Variants in NELL1 observed in about 807,000 individuals in gnomAD.
NELL1 encodes the protein protein kinase C-binding protein NELL1.
A neutral mutation model predicts 107.4 loss-of-function variants in NELL1; 76 were observed. The ratio of observed to expected loss-of-function variants is 0.71; its 90% confidence interval spans 0.59 to 0.86. The LOEUF (loss-of-function observed/expected upper bound fraction) is 0.86. NELL1 is among the 40% of genes least tolerant of loss of function. The pLI, the probability that NELL1 is intolerant of heterozygous loss-of-function variation, is 0.00. For synonymous variants in NELL1, 353 were observed against 341.2 expected, an observed-to-expected ratio of 1.03 and a Z score of -0.38; for missense variants, 1,024 against 1,005.5, an observed-to-expected ratio of 1.02 and a Z score of -0.25.
At chr11:21,059,437 A>AC (rs903518767) in intron 12 of NELL1, among the ~76,000 whole-genome samples, 1 of 151,706 alleles carries the variant, frequency 6.6e-6, no homozygotes, top group African/African-American at 2.4e-5. Context: ...TGTAGCCTTC[A>AC]CCCTTACTCC....
chr11:21,287,328 T>C (rs1228405077), intron 14 of NELL1, among the ~76,000 whole-genome samples: 2 of 152,214 alleles, frequency 1.3e-5, no homozygotes, highest in Non-Finnish European at 2.9e-5. Context: ...ACTGATGTCT[T>C]GCCTGTAGTT....
chr11:21,521,169 G>T (rs1291802868), intron 15 of NELL1, among the ~76,000 whole-genome samples: 4 of 152,148 alleles, frequency 2.6e-5, no homozygotes, highest in African/African-American at 9.7e-5. Flanking sequence ...GCTTTAACTG[G>T]TTCCCACAGA....
chr11:21,244,880 C>T (rs367905112), intron 14 of NELL1, among the ~76,000 whole-genome samples: 2 of 152,154 alleles, frequency 1.3e-5, no homozygotes, highest in Non-Finnish European at 2.9e-5. Context: ...GGGCTAGTCA[C>T]TTAACTTCTC....
chr11:20,724,968 C>A (rs1254834001), intron 2 of NELL1, among the ~76,000 whole-genome samples: 1 of 152,170 alleles, frequency 6.6e-6, no homozygotes, highest in Non-Finnish European at 1.5e-5. Context: ...AAGCAAGGCA[C>A]GTCTTACATG....
intron 1 of NELL1, chr11:20,670,634 T>A (rs1853878761): frequency 6.6e-6 from 1 of 152,242 alleles, no homozygotes; most frequent in African/African-American, 2.4e-5. Flanking sequence ...GGAGACTGGC[T>A]TGCAGCCGCC....
intron 15 of NELL1, among the ~76,000 whole-genome samples, chr11:21,385,013 T>G (rs1564869421): frequency 6.6e-6 from 1 of 151,964 alleles, no homozygotes. Flanking sequence ...GGAATGTTCT[T>G]CCCTCAGATA....
At chr11:20,851,698 C>T (rs997622251) in intron 4 of NELL1, among the ~76,000 whole-genome samples, 1 of 152,130 alleles carries the variant, frequency 6.6e-6, no homozygotes. Context: ...TCATTCAGCC[C>T]ATCAAATTTA....
In NELL1 at chr11:20,847,629, C is replaced by T. The variant is rs1481763405; in HGVS notation, c.382C>T (p.His128Tyr). 1.2e-6 allele frequency: 2 copies of T among 1,613,688 alleles called. No individual in the cohort carries two copies. Among genetic ancestry groups the T allele is most frequent in the South Asian group, 2.2e-5 (2 of 91,074 alleles). ...SSGLRDEIRY[H>Y]YIHNGKPRTE... ...TGGCCTGAGGGATGAGATTCGGTAT[C>T]ACTACATACACAATGGGAAGCCAAG... Residue 128 changes from histidine (H) to tyrosine (Y), a missense_variant, in exon 4 of 20, where the codon CAC (histidine) becomes TAC (tyrosine). His to Tyr is a moderately conservative substitution (Grantham distance 83). Transcript: ENST00000357134.
chr11:20,805,900 C>T (rs112292974), intron 3 of NELL1, among the ~76,000 whole-genome samples: 2,997 of 152,282 alleles, frequency 0.02, 103 homozygotes, highest in African/African-American at 0.068. Context: ...CATCCTCTCA[C>T]TTTTTATCTT....
chr11:21,442,345 G>GA (rs1853306288), intron 15 of NELL1, among the ~76,000 whole-genome samples: 1 of 152,090 alleles, frequency 6.6e-6, no homozygotes, highest in Admixed American at 6.6e-5. Context: ...TTAAACGGTA[G>GA]AAAATACGGC....
chr11:20,965,209 T>G (rs1432576225), intron 12 of NELL1, among the ~76,000 whole-genome samples: 1 of 152,138 alleles, frequency 6.6e-6, no homozygotes, highest in Non-Finnish European at 1.5e-5. Flanking sequence ...AGACCACAAG[T>G]TATAAAGCAA....
intron 5 of NELL1, among the ~76,000 whole-genome samples, chr11:20,890,733 G>T (rs1280725426): frequency 6.6e-6 from 1 of 151,846 alleles, no homozygotes. Context: ...ATCAATAGCT[G>T]AATTGACCAA....
intron 13 of NELL1, among the ~76,000 whole-genome samples, chr11:21,136,196 T>C (rs1464547518): frequency 2.6e-5 from 4 of 152,100 alleles, no homozygotes; most frequent in Non-Finnish European, 5.9e-5. Flanking sequence ...TGAGAACATT[T>C]CATTCAGAGG....
intron 12 of NELL1, among the ~76,000 whole-genome samples, chr11:21,041,103 G>T (rs1350952013): frequency 6.6e-6 from 1 of 152,134 alleles, no homozygotes; most frequent in East Asian, 1.9e-4. Flanking sequence ...AGAATTTAGA[G>T]AATGATTCCT....
Position 21,168,425 on chromosome 11 carries a change from T to A in NELL1, c.1426+54711T>A, listed in dbSNP as rs76565403. 1.6e-3 allele frequency among the ~76,000 whole-genome samples: 241 copies of A among 152,012 alleles called. 1 individual carries two copies. Among genetic ancestry groups the A allele is most frequent in the Admixed American group, 0.012 (177 of 15,296 alleles). On this transcript the variant is annotated intron_variant, in intron 13 of 19. Coordinates refer to ENST00000357134, the MANE Select transcript of NELL1 (RefSeq NM_006157.5). ...ATTTATGTATAATATTCTTTCAAGT[T>A]GTTGAAGTCAGCTATCACATCCTCC... is the stretch of plus-strand genomic sequence containing the variant.
rs186958610 is a variant in NELL1, at chr11:20,701,331, A to C, written c.184+23271A>C. Reference sequence around the variant, plus strand: ...TCTTTTGAGAAGTGTCTGTTCATATACTTTGCCCACTTTTTGATGGGGTTG... The same window carrying C: ...TCTTTTGAGAAGTGTCTGTTCATATCCTTTGCCCACTTTTTGATGGGGTTG... On this transcript the variant is annotated intron_variant, in intron 2 of 19. Coordinates refer to ENST00000357134, the MANE Select transcript of NELL1 (RefSeq NM_006157.5). Among the ~76,000 whole-genome samples the C allele has an allele frequency of 1.7e-3, 254 of 151,986 alleles. 3 individuals are homozygous for C. In the East Asian group the frequency reaches 0.037, roughly 22 times the overall value.
intron 14 of NELL1, among the ~76,000 whole-genome samples, chr11:21,239,476 G>A (rs921098328): frequency 6.6e-6 from 1 of 152,058 alleles, no homozygotes; most frequent in African/African-American, 2.4e-5. Flanking sequence ...CTTTTCATAT[G>A]TGTGCTGGCC....
At chr11:21,146,774 G>A (rs982057056) in intron 13 of NELL1, among the ~76,000 whole-genome samples, 1 of 151,458 alleles carries the variant, frequency 6.6e-6, no homozygotes, top group Non-Finnish European at 1.5e-5. Flanking sequence ...CGGGTGCGGT[G>A]ACTCATGCCT....
At chr11:21,436,839 A>AT (rs1207266613) in intron 15 of NELL1, among the ~76,000 whole-genome samples, 1 of 151,608 alleles carries the variant, frequency 6.6e-6, no homozygotes, top group Non-Finnish European at 1.5e-5. Context: ...GATTTCAAGA[A>AT]TTTTTTTTGC....
Sources: gnomAD v4.1 joint callset for allele counts (sites outside exome capture counted in the v4.1 genomes callset) on GRCh38, gnomAD v4.1.1 for gene constraint, MANE v1.5 for transcripts, NCBI Gene and HGNC (gene_info 2026-07-23, HGNC 2026-07-21) for gene names.